Variants in PP2D1 observed in about 807,000 individuals in gnomAD.
PP2D1 encodes protein phosphatase 2C-like domain-containing protein 1.
In PP2D1, 25 loss-of-function variants were observed where a neutral mutation model predicts 30.2. That is an observed-to-expected ratio of 0.83 (90% CI 0.60 to 1.16). The LOEUF is 1.16. Among genes scored for constraint, PP2D1 ranks in the 50% most tolerant of loss-of-function variants. PP2D1 has a pLI of 0.00. For synonymous variants in PP2D1, 260 were observed against 258.9 expected, an observed-to-expected ratio of 1.00 and a Z score of -0.04; for missense variants, 760 against 742.4, an observed-to-expected ratio of 1.02 and a Z score of -0.28.
chr3:20,001,424 G>A lies in PP2D1; in HGVS notation c.696C>T (p.Ser232=). The A allele has an allele frequency of 1.3e-6, 2 of 1,536,560 alleles. No homozygotes were observed. Among genetic ancestry groups the A allele is most frequent in the Non-Finnish European group, 1.7e-6 (2 of 1,146,998 alleles). ...TCATTTGGTAAGAAGGATCAAATTT[G>A]GAAAGCTGATGGAGAAGTAAAACTG... The part of the protein sequence containing the change: ...ELPVLLLHQL[S]KFDPSYQMTT... The change falls in exon 2 of 3, where the codon TCC becomes TCT. Residue 232 remains serine (S), a synonymous_variant. Coordinates refer to ENST00000389050, the MANE Select transcript of PP2D1 (RefSeq NM_001252657.2).
At chr3:19,993,388 G>C (rs538066259) in intron 2 of PP2D1, among the ~76,000 whole-genome samples, 7 of 152,274 alleles carry the variant, frequency 4.6e-5, no homozygotes, top group African/African-American at 1.7e-4. Flanking sequence ...GGTATACCAA[G>C]AGCAGAAACC....
chr3:20,001,376 G>C lies in PP2D1; in HGVS notation c.744C>G (p.Ile248Met), dbSNP rs755268420. Reference sequence around the variant, plus strand: ...CTCTAAACACAGTGTAAAAGGAATTGATTATTTGTTGCTCATCAGTTGTCA... The same window carrying C: ...CTCTAAACACAGTGTAAAAGGAATTCATTATTTGTTGCTCATCAGTTGTCA... ...YQMTTDEQQI[I>M]NSFYTVFREE... The change falls in exon 2 of 3, where the codon ATC (isoleucine) becomes ATG (methionine). Residue 248 changes from isoleucine (I) to methionine (M), a missense_variant. By Grantham distance (10) the Ile-to-Met change is conservative (BLOSUM62 1). Transcript: ENST00000389050. The C allele has an allele frequency of 2.6e-6, 4 of 1,536,498 alleles. No homozygotes were observed. In the Admixed American group the frequency reaches 7.8e-5, roughly 30 times the overall value.
At chr3:19,998,462 C>G (rs568421486) in intron 2 of PP2D1, among the ~76,000 whole-genome samples, 112 of 152,226 alleles carry the variant, frequency 7.4e-4, no homozygotes, top group Non-Finnish European at 1.4e-3. Flanking sequence ...TTGAAGTGTT[C>G]CCAACACAAA....
chr3:19,980,034 G>A (rs539966758), exon 4 of PP2D1: 31 of 152,328 alleles, frequency 2.0e-4, no homozygotes, highest in Non-Finnish European at 3.7e-4. Flanking sequence ...AAATGGGAAA[G>A]AACTTGCCTT....
chr3:19,987,438 G>T (rs1414968492), intron 2 of PP2D1, among the ~76,000 whole-genome samples: 2 of 151,974 alleles, frequency 1.3e-5, no homozygotes, highest in African/African-American at 4.8e-5. Context: ...TTCTGAGATG[G>T]GGTTAATGAT....
intron 2 of PP2D1, among the ~76,000 whole-genome samples, chr3:19,989,995 A>T (rs1697096029): frequency 1.3e-5 from 2 of 151,836 alleles, no homozygotes; most frequent in African/African-American, 4.8e-5. Flanking sequence ...AGCGTTATGC[A>T]CTATTTGCCT....
At chr3:20,005,321 T>C (rs1422164935) in intron 1 of PP2D1, among the ~76,000 whole-genome samples, 2 of 151,746 alleles carry the variant, frequency 1.3e-5, no homozygotes, top group Non-Finnish European at 2.9e-5. Flanking sequence ...CCTGGCTAAT[T>C]TTGTATTTTT....
chr3:19,999,419 T>A (rs193256586), intron 2 of PP2D1, among the ~76,000 whole-genome samples: 2 of 146,894 alleles, frequency 1.4e-5, no homozygotes, highest in Non-Finnish European at 3.0e-5. Context: ...TCTCTCTTTG[T>A]TGCCCAGTCT....
intron 1 of PP2D1, among the ~76,000 whole-genome samples, chr3:20,006,282 G>A (rs1216767084): frequency 6.6e-6 from 1 of 152,096 alleles, no homozygotes; most frequent in East Asian, 1.9e-4. Context: ...TACATTTTCT[G>A]AAGGCAAGTA....
At chr3:19,991,094 T>C (rs2125139246) in intron 2 of PP2D1, among the ~76,000 whole-genome samples, 3 of 152,250 alleles carry the variant, frequency 2.0e-5, no homozygotes, top group Middle Eastern at 3.4e-3. Flanking sequence ...CTTCAGAAAA[T>C]GTTATCAGAA....
chr3:19,993,372 A>C (rs978437221), intron 2 of PP2D1, among the ~76,000 whole-genome samples: 2 of 152,160 alleles, frequency 1.3e-5, no homozygotes, highest in Admixed American at 6.5e-5. Flanking sequence ...ATAATGACTA[A>C]ATTCAGGTAT....
At chr3:20,011,155 C>T (rs889296076) in intron 1 of PP2D1, among the ~76,000 whole-genome samples, 1 of 152,046 alleles carries the variant, frequency 6.6e-6, no homozygotes, top group African/African-American at 2.4e-5. Flanking sequence ...GATCAGTTAG[C>T]CGGCAGAAGG....
exon 4 of PP2D1, chr3:19,980,153 CAG>C (rs1324845967): frequency 1.3e-5 from 2 of 152,174 alleles, no homozygotes; most frequent in South Asian, 2.1e-4. Context: ...ACAAATGTGA[CAG>C]ATGACACCCA....
chr3:20,001,958 C>T lies in PP2D1; in HGVS notation c.162G>A (p.Glu54=). 6.5e-7 allele frequency: 1 copy of T among 1,536,326 alleles called. No homozygotes were observed. The highest frequency in any genetic ancestry group is 8.7e-7 in the Non-Finnish European group (1 of 1,146,962). Residue 54 remains glutamate, a synonymous_variant, in exon 2 of 3, where the codon GAG becomes GAA. Coordinates refer to ENST00000389050, the MANE Select transcript of PP2D1 (RefSeq NM_001252657.2). ...TGGTCCCTTGCTCATAGACCTGCTC[C>T]TCTTCATGGCGTTTGGTGTGTCTCA... ...RPVRHTKRHE[E]EQVYEQGTTL...
chr3:20,005,260 C>T lies in PP2D1; in HGVS notation c.24-3164G>A, dbSNP rs540047645. Among the ~76,000 whole-genome samples the T allele has an allele frequency of 3.3e-5, 5 of 152,100 alleles. No homozygotes were observed. In the South Asian group the frequency reaches 1.0e-3, roughly 32 times the overall value. ...CTCCACCTCCTGGGTTCAAGCGTTTCTCCTGCCTCAGCCTCCCAAGTAGCT... is the reference window on the plus strand; with the variant it reads ...CTCCACCTCCTGGGTTCAAGCGTTTTTCCTGCCTCAGCCTCCCAAGTAGCT... On this transcript the variant is annotated intron_variant, in intron 1 of 2. Transcript: ENST00000389050.
chr3:19,985,731 C>T lies in PP2D1; in HGVS notation c.1542G>A (p.Leu514=). The change falls in exon 3 of 3, where the codon TTG becomes TTA. Residue 514 remains leucine, a synonymous_variant. Transcript: ENST00000389050. ...LTKSQSNIHV[L]FQYKSVSEVR... ...CTTCAGATACAGATTTATACTGAAA[C>T]AATACGTGGATATTACTCTGTGATT... 6.5e-7 allele frequency: 1 copy of T among 1,535,848 alleles called. No homozygotes were observed. Among genetic ancestry groups the T allele is most frequent in the South Asian group, 1.2e-5 (1 of 84,056 alleles).
chr3:19,984,406 C>A, downstream of PP2D1: 1 of 219,538 alleles, frequency 4.6e-6, no homozygotes, highest in African/African-American at 2.4e-5. Flanking sequence ...TTAATTATAC[C>A]CAGTCTGGTT....
rs1017547688 is a variant in PP2D1, at chr3:20,001,927, G to T, written c.193C>A (p.Pro65Thr). The change falls in exon 2 of 3, where the codon CCC (proline) becomes ACC (threonine). Residue 65 changes from proline (P) to threonine (T), a missense_variant. Pro to Thr is a conservative substitution (Grantham distance 38). Transcript: ENST00000389050. The part of the protein sequence containing the change: ...EQVYEQGTTL[P>T]CSICKHEIDL... ...ATTTCGTGCTTGCATATGGAACAGG[G>T]TAATGTGGTCCCTTGCTCATAGACC... 2 of 1,536,380 alleles carry T rather than the reference G, an allele frequency of 1.3e-6. No individual in the cohort carries two copies. Among genetic ancestry groups the T allele is most frequent in the South Asian group, 1.2e-5 (1 of 84,062 alleles).
In PP2D1 at chr3:20,001,730, G is replaced by C. The variant is rs1351186416; in HGVS notation, c.390C>G (p.Ser130Arg). ...AAAGCAGCTCAAAAGCATTATTAAT[G>C]CTCTGTAGGGTTTTTTCAGTGAACA... is the stretch of plus-strand genomic sequence containing the variant. ...SFMFTEKTLQ[S>R]INNAFELLWK... Residue 130 changes from serine (S) to arginine (R), a missense_variant, in exon 2 of 3, where the codon AGC (serine) becomes AGG (arginine). Transcript: ENST00000389050. 4 of 1,531,724 alleles carry C rather than the reference G, an allele frequency of 2.6e-6. No homozygotes were observed. Among genetic ancestry groups the C allele is most frequent in the Non-Finnish European group, 3.5e-6 (4 of 1,145,182 alleles). 94.9% of individuals were successfully genotyped at this position (1,531,724 alleles called of 1,614,324 possible).
Sources: gnomAD v4.1 joint callset for allele counts (sites outside exome capture counted in the v4.1 genomes callset) on GRCh38, gnomAD v4.1.1 for gene constraint, MANE v1.5 for transcripts, NCBI Gene and HGNC (gene_info 2026-07-23, HGNC 2026-07-21) for gene names.